Variants in DEFB108B observed in about 807,000 individuals in gnomAD.
DEFB108B encodes defensin beta 108B.
A neutral mutation model predicts 2.4 loss-of-function variants in DEFB108B; 3 were observed. The observed-to-expected ratio is 1.25, with a 90% CI of 0.57 to 3.24. The LOEUF (loss-of-function observed/expected upper bound fraction) is 3.24, where lower values mean the gene tolerates loss of function less well. Ranked by LOEUF, DEFB108B falls within the 30% of genes most tolerant of loss-of-function variation. DEFB108B has a pLI of 0.03. For synonymous variants in DEFB108B, 25 were observed against 28.7 expected (o/e 0.87, Z 0.41); for missense variants, 101 against 87.8 (o/e 1.15, Z -0.60).
intron 1 of DEFB108B, among the ~76,000 whole-genome samples, chr11:71,833,832 G>A (rs1281463602): frequency 2.0e-5 from 3 of 152,112 alleles, no homozygotes; most frequent in African/African-American, 7.2e-5. Flanking sequence ...TTTAAACACA[G>A]GAACCAGGGA....
Position 71,833,242 on chromosome 11 carries a change from A to T in DEFB108B, c.43A>T (p.Ser15Cys). The change falls in exon 1 of 2, where the codon AGC (serine) becomes TGC (cysteine). Residue 15 changes from serine to cysteine, a missense_variant. By Grantham distance (112) the Ser-to-Cys change is moderately radical. Coordinates refer to ENST00000328698, the MANE Select transcript of DEFB108B (RefSeq NM_001002035.2). ...CCTCTTCGCCATTTTCTTCTTTATG[A>T]GCCAAGTTCTACCAGGTAACAAAAT... Reference protein sequence around the residue: ...VLLFAIFFFMSQVLPARGKFK... With the variant: ...VLLFAIFFFMCQVLPARGKFK... 6.3e-7 allele frequency: 1 copy of T among 1,593,678 alleles called. No homozygotes were observed. The highest frequency in any genetic ancestry group is 2.2e-5 in the East Asian group (1 of 44,826).
chr11:71,836,515 T>C (rs1368511528), intron 1 of DEFB108B, among the ~76,000 whole-genome samples: 1 of 152,232 alleles, frequency 6.6e-6, no homozygotes, highest in African/African-American at 2.4e-5. Flanking sequence ...GAAAAGGTGC[T>C]CTGTGTTACA....
At position 71,837,476 on chromosome 11, in the gene DEFB108B, G is replaced by C; in HGVS notation, c.136G>C (p.Val46Leu). 1 of 1,611,988 alleles carries C rather than the reference G, an allele frequency of 6.2e-7. No individual in the cohort carries two copies. The highest frequency in any genetic ancestry group is 1.1e-5 in the South Asian group (1 of 90,988). The change falls in exon 2 of 2, where the codon GTT becomes CTT. Residue 46 changes from valine to leucine, a missense_variant. Val to Leu is a conservative substitution (Grantham distance 32). Transcript: ENST00000328698. ...RDFCLETEIH[V>L]GRCLNSQPCC... Reference sequence around the variant, plus strand: ...CTTTTGCCTTGAAACAGAAATCCATGTTGGGAGATGTTTAAATAGCCAACC... The same window carrying C: ...CTTTTGCCTTGAAACAGAAATCCATCTTGGGAGATGTTTAAATAGCCAACC...
rs1320642601 is a variant in DEFB108B at position 71,837,551 on chromosome 11, A to C, written c.211A>C (p.Lys71Gln). 6 of 1,610,268 alleles carry C rather than the reference A, an allele frequency of 3.7e-6. No homozygotes were observed. The highest frequency in any genetic ancestry group is 5.1e-6 in the Non-Finnish European group (6 of 1,179,010). ...ACCAAGAATTGAGAGCACTACACCC[A>C]AAAAGGACTGAAGCCTGTTGTTTTC... ...HQPRIESTTP[K>Q]KD The change falls in exon 2 of 2, where the codon AAA (lysine) becomes CAA (glutamine). Residue 71 changes from lysine (K) to glutamine (Q), a missense_variant. Physicochemically the swap from Lys to Gln is moderately conservative, Grantham distance 53. Transcript: ENST00000328698.
Position 71,837,441 on chromosome 11 carries a change from C to G in DEFB108B, c.101C>G (p.Ser34Cys). 1 of 1,611,992 alleles carries G rather than the reference C, an allele frequency of 6.2e-7. No homozygotes were observed. Among genetic ancestry groups the G allele is most frequent in the Non-Finnish European group, 8.5e-7 (1 of 1,179,834 alleles). ...GAGATCTGTGAACGTCCAAATGGCT[C>G]CTGTCGGGACTTTTGCCTTGAAACA... ...FKEICERPNG[S>C]CRDFCLETEI... Residue 34 changes from serine (S) to cysteine (C), a missense_variant, in exon 2 of 2, where the codon TCC becomes TGC. Transcript: ENST00000328698.
chr11:71,833,989 T>C (rs1936210842), intron 1 of DEFB108B, among the ~76,000 whole-genome samples: 1 of 152,158 alleles, frequency 6.6e-6, no homozygotes, highest in South Asian at 2.1e-4. Flanking sequence ...CCAAAATAGA[T>C]CCAAAAATTT....
Position 71,837,579 on chromosome 11 carries a change from G to A in DEFB108B, c.*17G>A. The A allele has an allele frequency of 6.2e-7, 1 of 1,605,888 alleles. No homozygotes were observed. The highest frequency in any genetic ancestry group is 8.5e-7 in the Non-Finnish European group (1 of 1,176,630). Reference sequence around the variant, plus strand: ...AAGGACTGAAGCCTGTTGTTTTCTGGAGGTTTTATGTTCTCTTTTTTCTCT... The same window carrying A: ...AAGGACTGAAGCCTGTTGTTTTCTGAAGGTTTTATGTTCTCTTTTTTCTCT... On this transcript the variant is annotated 3_prime_UTR_variant, in exon 2 of 2. Transcript: ENST00000328698.
At chr11:71,836,448 A>C (rs1952218921) in intron 1 of DEFB108B, among the ~76,000 whole-genome samples, 1 of 152,118 alleles carries the variant, frequency 6.6e-6, no homozygotes, top group Non-Finnish European at 1.5e-5. Context: ...GTGTTCCAGA[A>C]TAGAAAAAAA....
rs191333548 is a variant in DEFB108B at position 71,835,711 on chromosome 11, C to G, written c.59-1688C>G. On this transcript the variant is annotated intron_variant, in intron 1 of 1. Transcript: ENST00000328698. ...GTATAGTAACATAGTACACATGATT[C>G]AAAGACCTGTGAACCGAGAGTAACA... Among the ~76,000 whole-genome samples, 325 of 152,258 alleles carry G rather than the reference C, an allele frequency of 2.1e-3. 5 individuals carry two copies. Among genetic ancestry groups the G allele is most frequent in the Non-Finnish European group, 2.4e-3 (163 of 68,018 alleles).
chr11:71,837,596 T>C lies in DEFB108B; in HGVS notation c.*34T>C. 1.3e-6 allele frequency: 2 copies of C among 1,599,348 alleles called. No homozygotes were observed. Among genetic ancestry groups the C allele is most frequent in the Non-Finnish European group, 8.5e-7 (1 of 1,173,534 alleles). ...GTTTTCTGGAGGTTTTATGTTCTCT[T>C]TTTTCTCTCTCCCTCTCTCTGTCTC... On this transcript the variant is annotated 3_prime_UTR_variant, in exon 2 of 2. Coordinates refer to ENST00000328698, the MANE Select transcript of DEFB108B (RefSeq NM_001002035.2).
chr11:71,833,767 T>A (rs1007106227), intron 1 of DEFB108B, among the ~76,000 whole-genome samples: 1 of 152,192 alleles, frequency 6.6e-6, no homozygotes, highest in Non-Finnish European at 1.5e-5. Context: ...TAAGGCTCCA[T>A]CTCCATCCCT....
At chr11:71,833,331 A>G in intron 1 of DEFB108B, 74 bp downstream of exon 1, 2 of 1,585,800 alleles carry the variant, frequency 1.3e-6, no homozygotes, top group Non-Finnish European at 1.7e-6. Flanking sequence ...AGAAATCACC[A>G]TCACCTATAA....
chr11:71,836,827 C>T (rs1419787319), intron 1 of DEFB108B, among the ~76,000 whole-genome samples: 1 of 152,078 alleles, frequency 6.6e-6, no homozygotes, highest in South Asian at 2.1e-4. Flanking sequence ...GAATATTGTT[C>T]CCTTCCACAG....
chr11:71,836,735 C>T (rs569228441), intron 1 of DEFB108B, among the ~76,000 whole-genome samples: 2 of 152,080 alleles, frequency 1.3e-5, no homozygotes, highest in Non-Finnish European at 2.9e-5. Context: ...CTCAAATACC[C>T]GTGCCAGAGA....
chr11:71,833,637 G>C (rs990223783), intron 1 of DEFB108B, among the ~76,000 whole-genome samples: 1 of 152,190 alleles, frequency 6.6e-6, no homozygotes, highest in Non-Finnish European at 1.5e-5. Flanking sequence ...CAAAGCTGTG[G>C]TAGGCTCAGA....
Position 71,837,432 on chromosome 11 carries a change from C to G in DEFB108B, c.92C>G (p.Pro31Arg), listed in dbSNP as rs779033335. 17 of 1,611,830 alleles carry G rather than the reference C, an allele frequency of 1.1e-5. No individual in the cohort carries two copies. In the East Asian group the frequency reaches 3.6e-4, roughly 34 times the overall value. ...RGKFKEICER[P>R]NGSCRDFCLE... ...AAATTCAAGGAGATCTGTGAACGTCCAAATGGCTCCTGTCGGGACTTTTGC... is the reference window on the plus strand; with the variant it reads ...AAATTCAAGGAGATCTGTGAACGTCGAAATGGCTCCTGTCGGGACTTTTGC... Residue 31 changes from proline to arginine, a missense_variant, in exon 2 of 2, where the codon CCA (proline) becomes CGA (arginine). Transcript: ENST00000328698.
At chr11:71,833,506 C>A (rs1188472851) in intron 1 of DEFB108B, among the ~76,000 whole-genome samples, 1 of 152,162 alleles carries the variant, frequency 6.6e-6, no homozygotes, top group Non-Finnish European at 1.5e-5. Context: ...AGTTTACTAG[C>A]AGTTACTAGA....
At chr11:71,836,780 G>A (rs973489697) in intron 1 of DEFB108B, among the ~76,000 whole-genome samples, 4 of 152,170 alleles carry the variant, frequency 2.6e-5, no homozygotes, top group Non-Finnish European at 4.4e-5. Context: ...GGTGTAACAA[G>A]TACTGGCACA....
intron 1 of DEFB108B, among the ~76,000 whole-genome samples, chr11:71,836,553 T>C (rs1952220071): frequency 6.6e-6 from 1 of 152,190 alleles, no homozygotes; most frequent in South Asian, 2.1e-4. Flanking sequence ...ATTAAAACAC[T>C]TTTCAAACTA....
Sources: allele counts gnomAD v4.1 joint callset (sites outside exome capture counted in the v4.1 genomes callset), GRCh38; gene constraint gnomAD v4.1.1; transcripts MANE v1.5; gene names NCBI Gene and HGNC (gene_info 2026-07-23, HGNC 2026-07-21).